The following RBM27 variants were observed in gnomAD, a reference collection of about 807,000 sequenced individuals.
The protein encoded by RBM27 is RNA-binding protein 27.
A neutral mutation model predicts 135.3 loss-of-function variants in RBM27; 22 were observed. That is an observed-to-expected ratio of 0.16 (90% CI 0.12 to 0.23). RBM27 has a LOEUF of 0.23. RBM27 is among the 10% of genes least tolerant of loss of function. RBM27 has a pLI of 1.00. For missense variants in RBM27, 1,009 were observed against 1,281.0 expected (o/e 0.79, Z 3.24); for synonymous variants, 481 against 442.4 (o/e 1.09, Z -1.10).
chr5:146,207,829 A>AT (rs1287945305), intron 1 of RBM27, among the ~76,000 whole-genome samples: 1 of 139,726 alleles, frequency 7.2e-6, no homozygotes, highest in Admixed American at 7.3e-5. Flanking sequence ...TAATTTTTGT[A>AT]TTTTTGGTAG....
intron 2 of RBM27, 55 bp from the exon 3 acceptor site, chr5:146,223,348 G>T (rs1342603748): frequency 3.3e-6 from 5 of 1,520,482 alleles, no homozygotes; most frequent in Non-Finnish European, 4.4e-6. Flanking sequence ...ACAATGTGTT[G>T]TCAAATTTTT....
At chr5:146,224,136 TTAAAA>T (rs1278304424) in intron 3 of RBM27, among the ~76,000 whole-genome samples, 1 of 152,074 alleles carries the variant, frequency 6.6e-6, no homozygotes, top group Non-Finnish European at 1.5e-5. Flanking sequence ...GTTGCATGAG[TTAAAA>T]TAACAGCTCT....
intron 8 of RBM27, among the ~76,000 whole-genome samples, chr5:146,246,941 G>A (rs1394931072): frequency 1.3e-5 from 2 of 149,760 alleles, no homozygotes; most frequent in Non-Finnish European, 3.0e-5. Flanking sequence ...TTGGCTCACT[G>A]CAGTCTTGAC....
intron 19 of RBM27, among the ~76,000 whole-genome samples, chr5:146,275,883 T>G (rs1759072204): frequency 6.6e-6 from 1 of 152,206 alleles, no homozygotes; most frequent in South Asian, 2.1e-4. Flanking sequence ...GAATTTTGAA[T>G]TTTTCCTTCT....
chr5:146,245,223 C>A (rs1757573005), intron 8 of RBM27: 1 of 151,430 alleles, frequency 6.6e-6, no homozygotes, highest in African/African-American at 2.4e-5. Context: ...AGAGAACTTG[C>A]TAGAGAAAAT....
chr5:146,250,770 C>CTTTTTTTT (rs58027855), intron 8 of RBM27, among the ~76,000 whole-genome samples: 37 of 72,670 alleles, frequency 5.1e-4, no homozygotes, highest in Non-Finnish European at 6.3e-4. Context: ...TTTTTTTGTC[C>CTTTTTTTT]TTTTTTTTTT....
Position 146,247,253 on chromosome 5 carries a change from C to G in RBM27, c.1280-4458C>G, listed in dbSNP as rs138456470. Among the ~76,000 whole-genome samples the G allele has an allele frequency of 2.4e-3, 363 of 152,228 alleles. 1 individual carries two copies. Among genetic ancestry groups the G allele is most frequent in the African/African-American group, 8.2e-3 (339 of 41,538 alleles). The stretch of plus-strand genomic sequence containing the variant: ...TTAGAATAAGTCCCAAATATAGTAG[C>G]ATTTCATCTGTAAAAACTTATGTAT... On this transcript the variant is annotated intron_variant, in intron 8 of 20. Coordinates refer to ENST00000265271, the MANE Select transcript of RBM27 (RefSeq NM_018989.2).
chr5:146,209,661 T>C (rs1201335951), intron 1 of RBM27, among the ~76,000 whole-genome samples: 1 of 152,216 alleles, frequency 6.6e-6, no homozygotes, highest in African/African-American at 2.4e-5. Context: ...TAGCAATTTT[T>C]GGAGCTGACC....
At chr5:146,253,918 T>C (rs969046174) in intron 9 of RBM27, among the ~76,000 whole-genome samples, 4 of 152,226 alleles carry the variant, frequency 2.6e-5, no homozygotes, top group African/African-American at 9.6e-5. Flanking sequence ...GAATCACTTC[T>C]ATACTGTAAA....
chr5:146,279,969 C>T (rs1484328011), intron 19 of RBM27, among the ~76,000 whole-genome samples: 4 of 151,774 alleles, frequency 2.6e-5, no homozygotes, highest in African/African-American at 4.8e-5. Context: ...AAAACATTTA[C>T]GAAAATGTGA....
At chr5:146,272,960 C>T (rs1257773429) in intron 19 of RBM27, among the ~76,000 whole-genome samples, 1 of 152,110 alleles carries the variant, frequency 6.6e-6, no homozygotes, top group African/African-American at 2.4e-5. Context: ...GGGAGAATAG[C>T]TCTAAGTGAC....
At chr5:146,279,714 A>G (rs1581245158) in intron 19 of RBM27, among the ~76,000 whole-genome samples, 2 of 150,918 alleles carry the variant, frequency 1.3e-5, no homozygotes, top group South Asian at 4.2e-4. Flanking sequence ...AGCCTGAGGC[A>G]CATGAATTGC....
chr5:146,245,032 G>A (rs559408915), intron 8 of RBM27, among the ~76,000 whole-genome samples: 1 of 152,220 alleles, frequency 6.6e-6, no homozygotes, highest in South Asian at 2.1e-4. Flanking sequence ...ATGCCACCAT[G>A]CCCAGCTAAT....
Position 146,288,563 on chromosome 5 carries a change from A to T in RBM27, c.*2533A>T, listed in dbSNP as rs1179455203. The T allele has an allele frequency of 6.6e-6, 1 of 152,092 alleles. No homozygotes were observed. Among genetic ancestry groups the T allele is most frequent in the East Asian group, 1.9e-4 (1 of 5,200 alleles). The allele number at this position is 152,092 out of a possible 1,614,324, so 9.4% of individuals were successfully genotyped here. ...TCAAATCTTCAACTGTTAGAATTTC[A>T]CTTAAAAGTGAATAACTGCCATACA... On this transcript the variant is annotated 3_prime_UTR_variant, in exon 21 of 21. Coordinates refer to ENST00000265271, the MANE Select transcript of RBM27 (RefSeq NM_018989.2).
At chr5:146,273,310 C>T (rs1441592362) in intron 19 of RBM27, among the ~76,000 whole-genome samples, 1 of 152,140 alleles carries the variant, frequency 6.6e-6, no homozygotes, top group African/African-American at 2.4e-5. Flanking sequence ...GGATCTCCTT[C>T]CTTCTGAAAA....
At chr5:146,208,817 G>C (rs1482212643) in intron 1 of RBM27, among the ~76,000 whole-genome samples, 1 of 152,160 alleles carries the variant, frequency 6.6e-6, no homozygotes, top group Non-Finnish European at 1.5e-5. Context: ...ATCAAAACAT[G>C]TTGTATTTAA....
At position 146,285,985 on chromosome 5, in the gene RBM27, C is replaced by CGATGAA; in HGVS notation, c.3151_3156dup (p.Asp1051_Glu1052dup). ...CAGATTTGTTTTTGCCTGATGATGA[C>CGATGAA]GATGAAGATGAAGATGAATATGAGT... On this transcript the variant is annotated inframe_insertion, in exon 21 of 21. Transcript: ENST00000265271. The CGATGAA allele has an allele frequency of 6.2e-7, 1 of 1,612,272 alleles. No homozygotes were observed. Among genetic ancestry groups the CGATGAA allele is most frequent in the Admixed American group, 1.7e-5 (1 of 59,800 alleles).
At chr5:146,268,365 C>T (rs1581227646) in intron 15 of RBM27, among the ~76,000 whole-genome samples, 1 of 151,948 alleles carries the variant, frequency 6.6e-6, no homozygotes, top group East Asian at 1.9e-4. Flanking sequence ...GCCTCAGCCT[C>T]CAGAGTAGCT....
chr5:146,281,342 A>G (rs1490629062), intron 19 of RBM27, among the ~76,000 whole-genome samples: 2 of 152,182 alleles, frequency 1.3e-5, no homozygotes, highest in Non-Finnish European at 1.5e-5. Flanking sequence ...CATGAGTTCA[A>G]TGTTAATGAA....
Sources: gnomAD v4.1 joint callset for allele counts (sites outside exome capture counted in the v4.1 genomes callset) on GRCh38, gnomAD v4.1.1 for gene constraint, MANE v1.5 for transcripts, NCBI Gene and HGNC (gene_info 2026-07-23, HGNC 2026-07-21) for gene names.